MCHR2: variants seen among roughly 807,000 people sequenced by gnomAD.
MCHR2 encodes melanin concentrating hormone receptor 2.
A neutral mutation model predicts 24.8 loss-of-function variants in MCHR2; 15 were observed. The ratio of observed to expected loss-of-function variants is 0.60; its 90% confidence interval spans 0.40 to 0.93. The LOEUF is 0.93. Among genes scored for constraint, MCHR2 ranks in the 40% least tolerant of loss-of-function variants. The pLI is 0.00. For synonymous variants in MCHR2, 151 were observed against 147.6 expected, an observed-to-expected ratio of 1.02 and a Z score of -0.17; for missense variants, 386 against 408.7, an observed-to-expected ratio of 0.94 and a Z score of 0.48.
chr6:99,944,924 G>T (rs551696884), intron 3 of MCHR2, among the ~76,000 whole-genome samples: 14 of 152,156 alleles, frequency 9.2e-5, no homozygotes, highest in East Asian at 5.8e-4. Flanking sequence ...CCCTTTCAAG[G>T]TTAGGCACTT....
At chr6:99,948,781 T>C (rs959655589) in intron 2 of MCHR2, among the ~76,000 whole-genome samples, 3 of 152,204 alleles carry the variant, frequency 2.0e-5, no homozygotes, top group African/African-American at 7.2e-5. Context: ...TGATTTCTGT[T>C]GTCTAATGCA....
intron 1 of MCHR2, among the ~76,000 whole-genome samples, chr6:99,961,510 G>T (rs907955174): frequency 1.3e-5 from 2 of 152,128 alleles, no homozygotes; most frequent in African/African-American, 4.8e-5. Context: ...TATACACCAT[G>T]GAATACTATG....
At chr6:99,980,338 A>G (rs1775641236) in intron 1 of MCHR2, among the ~76,000 whole-genome samples, 1 of 152,138 alleles carries the variant, frequency 6.6e-6, no homozygotes, top group Non-Finnish European at 1.5e-5. Flanking sequence ...CTTACTTGGG[A>G]CCATCTGGTT....
chr6:99,972,993 G>A (rs917873416), intron 1 of MCHR2, among the ~76,000 whole-genome samples: 5 of 152,032 alleles, frequency 3.3e-5, no homozygotes, highest in South Asian at 4.1e-4. Flanking sequence ...TATGTGGTCC[G>A]TTTTGGAATA....
chr6:99,920,070 A>T lies in MCHR2; in HGVS notation c.*870T>A, dbSNP rs1774192702. ...GCTTAAAGTCCAGAAGTAAAGTATT[A>T]TTATTAAAGTGCAGATGCCAGTTTC... On this transcript the variant is annotated 3_prime_UTR_variant, in exon 6 of 6. Coordinates refer to ENST00000281806, the MANE Select transcript of MCHR2 (RefSeq NM_001040179.2). 6.6e-6 allele frequency: 1 copy of T among 152,196 alleles called. No individual in the cohort carries two copies. The highest frequency in any genetic ancestry group is 6.5e-5 in the Admixed American group (1 of 15,276). 9.4% of individuals were successfully genotyped at this position (152,196 alleles called of 1,614,324 possible).
At chr6:99,946,763 A>G (rs1774878813) in intron 3 of MCHR2, among the ~76,000 whole-genome samples, 1 of 152,192 alleles carries the variant, frequency 6.6e-6, no homozygotes, top group African/African-American at 2.4e-5. Context: ...AAAGAGGATT[A>G]AATGTGTTGG....
chr6:99,941,564 G>T (rs1381263779), intron 4 of MCHR2, among the ~76,000 whole-genome samples: 1 of 152,150 alleles, frequency 6.6e-6, no homozygotes, highest in East Asian at 1.9e-4. Flanking sequence ...ATTAAGTCAT[G>T]AGAGTCGCGC....
intron 1 of MCHR2, among the ~76,000 whole-genome samples, chr6:99,961,283 G>A (rs1269764502): frequency 6.6e-6 from 1 of 151,996 alleles, no homozygotes; most frequent in Non-Finnish European, 1.5e-5. Context: ...TTCAACCATT[G>A]TGGAAGACAG....
chr6:99,989,343 T>C (rs1214864102), intron 1 of MCHR2, among the ~76,000 whole-genome samples: 2 of 152,222 alleles, frequency 1.3e-5, no homozygotes, highest in Non-Finnish European at 2.9e-5. Context: ...GCAAGATTTA[T>C]AGAATGTTTG....
At chr6:99,955,389 G>A (rs1182082059) in intron 2 of MCHR2, among the ~76,000 whole-genome samples, 3 of 152,232 alleles carry the variant, frequency 2.0e-5, no homozygotes, top group Non-Finnish European at 1.5e-5. Context: ...GGGGGCAGAT[G>A]TCTCTCAGTT....
Position 99,920,900 on chromosome 6 carries a change from A to G in MCHR2, c.*40T>C, listed in dbSNP as rs201219573. 7.6e-6 allele frequency: 12 copies of G among 1,580,234 alleles called. No individual in the cohort carries two copies. Among genetic ancestry groups the G allele is most frequent in the Non-Finnish European group, 1.0e-5 (12 of 1,157,234 alleles). ...CCCTTTCTGATAATACCAGTAAGAT[A>G]GACAATCATGTCTAGACTCATGGTG... On this transcript the variant is annotated 3_prime_UTR_variant, in exon 6 of 6. Coordinates refer to ENST00000281806, the MANE Select transcript of MCHR2 (RefSeq NM_001040179.2).
At chr6:99,952,132 C>A (rs970251750) in intron 2 of MCHR2, among the ~76,000 whole-genome samples, 1 of 152,064 alleles carries the variant, frequency 6.6e-6, no homozygotes, top group East Asian at 1.9e-4. Context: ...GGGTTGAGTT[C>A]ATCAATCTGT....
chr6:99,958,206 T>A (rs1206932356), intron 1 of MCHR2, among the ~76,000 whole-genome samples: 1 of 152,002 alleles, frequency 6.6e-6, no homozygotes, highest in African/African-American at 2.4e-5. Flanking sequence ...ACTTGATATA[T>A]GAAAAGATGT....
intron 4 of MCHR2, among the ~76,000 whole-genome samples, chr6:99,938,042 G>A (rs1443714442): frequency 6.6e-6 from 1 of 151,814 alleles, no homozygotes; most frequent in East Asian, 1.9e-4. Context: ...TGAGGTTTCA[G>A]TTGTTATGTT....
At chr6:99,942,212 C>T (rs1424312847) in intron 4 of MCHR2, among the ~76,000 whole-genome samples, 1 of 152,160 alleles carries the variant, frequency 6.6e-6, no homozygotes, top group East Asian at 1.9e-4. Flanking sequence ...TATTCTCTCA[C>T]AGCTCTGAAA....
At position 99,960,315 on chromosome 6, in the gene MCHR2, C is replaced by T. The variant is rs536109795; in HGVS notation, c.-27-4141G>A. 9.2e-5 allele frequency among the ~76,000 whole-genome samples: 14 copies of T among 152,186 alleles called. No individual in the cohort carries two copies. The East Asian group carries it at 2.1e-3, about 23-fold the overall frequency. On this transcript the variant is annotated intron_variant, in intron 1 of 5. Coordinates refer to ENST00000281806, the MANE Select transcript of MCHR2 (RefSeq NM_001040179.2). ...CTTCAAGGAGAACTACAAACCACTG[C>T]TCAACGAAATAAAAGAGGACACAAA... is the stretch of plus-strand genomic sequence containing the variant.
chr6:99,979,015 G>A (rs1293159994), intron 1 of MCHR2, among the ~76,000 whole-genome samples: 4 of 152,272 alleles, frequency 2.6e-5, no homozygotes, highest in South Asian at 2.1e-4. Flanking sequence ...GCTCAAAGGC[G>A]CCACATCCAA....
At chr6:99,983,384 C>T (rs984241694) in intron 1 of MCHR2, among the ~76,000 whole-genome samples, 2 of 152,142 alleles carry the variant, frequency 1.3e-5, no homozygotes, top group Admixed American at 6.5e-5. Context: ...TCTCAAAAAG[C>T]CATCTGAGCT....
chr6:99,966,645 G>T (rs1375228344), intron 1 of MCHR2, among the ~76,000 whole-genome samples: 6 of 152,068 alleles, frequency 3.9e-5, no homozygotes, highest in African/African-American at 1.4e-4. Context: ...GTTTTTAATA[G>T]ACTGTTTCAT....
Sources: gnomAD v4.1 joint callset for allele counts (sites outside exome capture counted in the v4.1 genomes callset) on GRCh38, gnomAD v4.1.1 for gene constraint, MANE v1.5 for transcripts, NCBI Gene and HGNC (gene_info 2026-07-23, HGNC 2026-07-21) for gene names.